IMMP2L: variants seen among roughly 807,000 people sequenced by gnomAD.
IMMP2L encodes the protein inner mitochondrial membrane peptidase subunit 2, also known as mitochondrial inner membrane protease subunit 2.
IMMP2L carries 18 observed loss-of-function variants against 19.3 expected under a neutral mutation model. The ratio of observed to expected loss-of-function variants is 0.93; its 90% CI spans 0.64 to 1.38. The LOEUF is 1.38. Ranked by LOEUF, IMMP2L falls within the 40% of genes most tolerant of loss-of-function variation. The pLI is 0.00. For synonymous variants in IMMP2L, 76 were observed against 73.0 expected (o/e 1.04, Z -0.21); for missense variants, 233 against 218.2 (o/e 1.07, Z -0.43).
chr7:110,975,003 TA>T (rs1820540578), intron 3 of IMMP2L, among the ~76,000 whole-genome samples: 2 of 152,102 alleles, frequency 1.3e-5, no homozygotes, highest in South Asian at 4.1e-4. Context: ...AGTCCTATGA[TA>T]AATATGTAGT....
chr7:111,122,620 A>C, intron 3 of IMMP2L: 1 of 622,488 alleles, frequency 1.6e-6, no homozygotes, highest in Non-Finnish European at 2.8e-6. Context: ...TGGCACTGGC[A>C]CTTATTTCAG....
chr7:111,424,852 GA>G (rs1835915288), intron 3 of IMMP2L, among the ~76,000 whole-genome samples: 2 of 151,798 alleles, frequency 1.3e-5, no homozygotes, highest in East Asian at 1.9e-4. Context: ...TTGGGTCACA[GA>G]ATTGTATCAC....
At chr7:110,823,453 A>G (rs1054668415) in intron 5 of IMMP2L, among the ~76,000 whole-genome samples, 1 of 151,976 alleles carries the variant, frequency 6.6e-6, no homozygotes, top group Non-Finnish European at 1.5e-5. Flanking sequence ...TAAAAATTAT[A>G]TAATAATATA....
chr7:110,695,554 A>G (rs942844999), intron 5 of IMMP2L, among the ~76,000 whole-genome samples: 1 of 152,194 alleles, frequency 6.6e-6, no homozygotes, highest in East Asian at 1.9e-4. Context: ...AATAATGAGA[A>G]TAATAAAGAT....
intron 2 of IMMP2L, among the ~76,000 whole-genome samples, chr7:111,490,522 T>C (rs1382983944): frequency 6.6e-6 from 1 of 152,056 alleles, no homozygotes; most frequent in Non-Finnish European, 1.5e-5. Context: ...GCTAAAGGGA[T>C]CTTTTTTTAA....
intron 5 of IMMP2L, among the ~76,000 whole-genome samples, chr7:110,743,602 G>T (rs902028061): frequency 6.6e-6 from 1 of 152,196 alleles, no homozygotes; most frequent in Admixed American, 6.5e-5. Context: ...TCATCTCAAT[G>T]GGACTGGTTG....
chr7:111,419,195 C>A (rs575234267), intron 3 of IMMP2L, among the ~76,000 whole-genome samples: 3 of 151,418 alleles, frequency 2.0e-5, no homozygotes, highest in Non-Finnish European at 4.4e-5. Flanking sequence ...TATTGGCAGA[C>A]AAGACTAAAA....
intron 3 of IMMP2L, among the ~76,000 whole-genome samples, chr7:110,969,259 T>A (rs960858982): frequency 6.6e-6 from 1 of 152,134 alleles, no homozygotes; most frequent in East Asian, 1.9e-4. Flanking sequence ...GATTCATTTA[T>A]AAAATTCAAT....
Position 110,675,974 on chromosome 7 carries a change from T to TAAAATTA in IMMP2L, c.409-12254_409-12253insTAATTTT, listed in dbSNP as rs1792267482. Among the ~76,000 whole-genome samples the TAAAATTA allele has an allele frequency of 2.6e-5, 4 of 152,308 alleles. No homozygotes were observed. The South Asian group carries it at 8.3e-4, about 32-fold the overall frequency. On this transcript the variant is annotated intron_variant, in intron 5 of 5. Coordinates refer to ENST00000405709, the MANE Select transcript of IMMP2L (RefSeq NM_032549.4). ...ATACTCTGAGGGCCTTACATATAAA[T>TAAAATTA]AACCTCTCCTACTACTAAAATTAAA...
In IMMP2L at chr7:110,754,310, A is replaced by C. The variant is rs118027789; in HGVS notation, c.409-90589T>G. On this transcript the variant is annotated intron_variant, in intron 5 of 5. Transcript: ENST00000405709. ...ATATGGATGCTACAACAAGATGAATAATACCTTATTTCATAGATGACCGGG... is the reference window on the plus strand; with the variant it reads ...ATATGGATGCTACAACAAGATGAATCATACCTTATTTCATAGATGACCGGG... 5.1e-3 allele frequency among the ~76,000 whole-genome samples: 772 copies of C among 152,198 alleles called. 4 individuals are homozygous for C. The highest frequency in any genetic ancestry group is 7.9e-3 in the Non-Finnish European group (539 of 67,996).
chr7:111,202,790 G>A (rs1307022914), intron 3 of IMMP2L, among the ~76,000 whole-genome samples: 1 of 152,142 alleles, frequency 6.6e-6, no homozygotes, highest in Non-Finnish European at 1.5e-5. Context: ...GATTAGTAGA[G>A]TAGAAACAGA....
chr7:111,382,853 C>T (rs915919185), intron 3 of IMMP2L, among the ~76,000 whole-genome samples: 3 of 152,094 alleles, frequency 2.0e-5, no homozygotes, highest in Non-Finnish European at 2.9e-5. Context: ...TAAAATATTA[C>T]TCAGGTTATA....
At chr7:111,504,926 T>A (rs1183694987) in intron 2 of IMMP2L, among the ~76,000 whole-genome samples, 1 of 151,798 alleles carries the variant, frequency 6.6e-6, no homozygotes, top group Non-Finnish European at 1.5e-5. Context: ...GGACTTCATG[T>A]CTAAAACACC....
At chr7:111,456,458 A>G (rs1346308419) in intron 3 of IMMP2L, among the ~76,000 whole-genome samples, 2 of 151,978 alleles carry the variant, frequency 1.3e-5, no homozygotes, top group Non-Finnish European at 2.9e-5. Context: ...CAACTACATC[A>G]TAAGGCTTTT....
At chr7:111,502,021 G>A (rs1027948781) in intron 2 of IMMP2L, among the ~76,000 whole-genome samples, 1 of 152,150 alleles carries the variant, frequency 6.6e-6, no homozygotes, top group South Asian at 2.1e-4. Flanking sequence ...AAAAGACACA[G>A]ACTGGCAAAT....
chr7:111,366,754 A>G (rs563496135), intron 3 of IMMP2L, among the ~76,000 whole-genome samples: 1 of 152,024 alleles, frequency 6.6e-6, no homozygotes, highest in African/African-American at 2.4e-5. Context: ...GAATATATAC[A>G]TATATTCATT....
At chr7:110,725,155 C>T (rs1009691222) in intron 5 of IMMP2L, among the ~76,000 whole-genome samples, 3 of 152,070 alleles carry the variant, frequency 2.0e-5, no homozygotes, top group East Asian at 1.9e-4. Context: ...TTATCACTGA[C>T]ACCACAAAGG....
At chr7:111,491,888 A>G (rs1265872580) in intron 2 of IMMP2L, among the ~76,000 whole-genome samples, 1 of 151,266 alleles carries the variant, frequency 6.6e-6, no homozygotes, top group Admixed American at 6.6e-5. Context: ...CTTTCACTGC[A>G]TTCGTTTTTT....
intron 5 of IMMP2L, among the ~76,000 whole-genome samples, chr7:110,883,043 T>G (rs1809852019): frequency 6.6e-6 from 1 of 152,194 alleles, no homozygotes; most frequent in South Asian, 2.1e-4. Flanking sequence ...TAAAGTTTAC[T>G]TTTTCTCCTT....
Sources: gnomAD v4.1 joint callset for allele counts (sites outside exome capture counted in the v4.1 genomes callset) on GRCh38, gnomAD v4.1.1 for gene constraint, MANE v1.5 for transcripts, NCBI Gene and HGNC (gene_info 2026-07-23, HGNC 2026-07-21) for gene names.